ARFIP2: variants seen among roughly 807,000 people sequenced by gnomAD.
ARFIP2 encodes arfaptin-2.
ARFIP2 carries 14 observed loss-of-function variants against 39.2 expected under a neutral mutation model. The ratio of observed to expected loss-of-function variants is 0.36; its 90% CI spans 0.24 to 0.56. ARFIP2 has a LOEUF of 0.56. Ranked by LOEUF, ARFIP2 falls within the 20% of genes least tolerant of loss-of-function variation. The pLI is 0.85. For missense variants in ARFIP2, 305 were observed against 422.5 expected, an observed-to-expected ratio of 0.72 and a Z score of 2.44; for synonymous variants, 167 against 172.4, an observed-to-expected ratio of 0.97 and a Z score of 0.24.
At position 6,478,339 on chromosome 11, in the gene ARFIP2, C is replaced by A. The variant is rs879073732; in HGVS notation, c.538-141G>T. The A allele has an allele frequency of 3.4e-6, 4 of 1,168,484 alleles. No homozygotes were observed. The South Asian group carries it at 5.9e-5, about 17-fold the overall frequency. The allele number at this position is 1,168,484 out of a possible 1,614,324, so 72.4% of individuals were successfully genotyped here. ...CAAGGACTGCCTCCAGCAAGGCTCT[C>A]TTAGCCGGAAAGTTAGTGGGATCAC... On this transcript the variant is annotated intron_variant, in intron 5 of 7. Transcript: ENST00000396777. This position sits in a 1 kb window ranked among gnomAD's most constrained non-coding sequence, Gnocchi z 4.8.
intron 3 of ARFIP2, 79 bp downstream of exon 3, chr11:6,479,893 T>C: frequency 2.2e-6 from 3 of 1,386,726 alleles, no homozygotes; most frequent in Non-Finnish European, 3.1e-6. Context: ...ATTCAAGCTT[T>C]CCTAGACATA....
chr11:6,477,299 G>T lies in ARFIP2; in HGVS notation c.871-31C>A. 6.2e-7 allele frequency: 1 copy of T among 1,603,054 alleles called. No individual in the cohort carries two copies. Among genetic ancestry groups the T allele is most frequent in the South Asian group, 1.1e-5 (1 of 89,464 alleles). ...GGTCCAGCAGGGTCAGCTAAGGCTG[G>T]ACTCAGGCGCCCTTCTTGAGGGTCT... is the stretch of plus-strand genomic sequence containing the variant. On this transcript the variant is annotated intron_variant, in intron 7 of 7. Transcript: ENST00000396777. This position sits in a 1 kb window ranked among gnomAD's most constrained non-coding sequence, Gnocchi z 4.8.
chr11:6,478,484 G>T lies in ARFIP2; in HGVS notation c.537+254C>A. Reference sequence around the variant, plus strand: ...GAGGGGCTCTGATTAGGCTGAGCACGAAGGCATTCTCCCCAGTGCAGAGAG... The same window carrying T: ...GAGGGGCTCTGATTAGGCTGAGCACTAAGGCATTCTCCCCAGTGCAGAGAG... On this transcript the variant is annotated intron_variant, in intron 5 of 7. Transcript: ENST00000396777. This position sits in a 1 kb window ranked among gnomAD's most constrained non-coding sequence, Gnocchi z 4.8. 8.1e-7 allele frequency: 1 copy of T among 1,236,892 alleles called. No homozygotes were observed. Among genetic ancestry groups the T allele is most frequent in the Non-Finnish European group, 1.1e-6 (1 of 919,298 alleles). The allele number at this position is 1,236,892 out of a possible 1,614,324, so 76.6% of individuals were successfully genotyped here. A position where few individuals can be genotyped will look rare whatever the true frequency, so the allele number is the denominator to read the frequency against.
At chr11:6,479,928 T>C in intron 3 of ARFIP2, 44 bp downstream of exon 3, 1 of 1,573,536 alleles carries the variant, frequency 6.4e-7, no homozygotes, top group South Asian at 1.1e-5. Flanking sequence ...AAACCATTCC[T>C]GTCCCCTCCT....
rs1015773810 is a variant in ARFIP2 at position 6,481,322 on chromosome 11, T to A, written c.-134A>T. ...TTCCCGTCGCGATCCTAGCAGCAGG[T>A]CAGGGACTCGGCGGAAATGACGTCC... On this transcript the variant is annotated 5_prime_UTR_variant, in exon 1 of 8. Coordinates refer to ENST00000396777, the MANE Select transcript of ARFIP2 (RefSeq NM_001376558.2). The A allele has an allele frequency of 1.2e-6, 1 of 815,112 alleles. No homozygotes were observed. The highest frequency in any genetic ancestry group is 1.9e-6 in the Non-Finnish European group (1 of 516,568). 50.5% of individuals were successfully genotyped at this position (815,112 alleles called of 1,614,324 possible). A position where few individuals can be genotyped will look rare whatever the true frequency, so the allele number is the denominator to read the frequency against.
In ARFIP2 at chr11:6,477,517, G is replaced by A. The variant is rs1420986876; in HGVS notation, c.870+201C>T. 6.6e-6 allele frequency among the ~76,000 whole-genome samples: 1 copy of A among 152,116 alleles called. No individual in the cohort carries two copies. Among genetic ancestry groups the A allele is most frequent in the Non-Finnish European group, 1.5e-5 (1 of 68,014 alleles). Reference sequence around the variant, plus strand: ...GTGATTTTTCCCAGTTATGTTCCTGGGACCAGCAGCCAAATCCTCCAACAG... The same window carrying A: ...GTGATTTTTCCCAGTTATGTTCCTGAGACCAGCAGCCAAATCCTCCAACAG... On this transcript the variant is annotated intron_variant, in intron 7 of 7. Transcript: ENST00000396777. The surrounding 1 kb of genome is among the most constrained non-coding windows in gnomAD (Gnocchi z 4.8).
Position 6,477,348 on chromosome 11 carries a change from C to G in ARFIP2, c.871-80G>C, listed in dbSNP as rs1851191032. On this transcript the variant is annotated intron_variant, in intron 7 of 7. Transcript: ENST00000396777. This position sits in a 1 kb window ranked among gnomAD's most constrained non-coding sequence, Gnocchi z 4.8. ...CTATGAGCCTGAGCCCAGGCACAGA[C>G]CAGGGGCACAAGGACTCTGCTCTGA... is the stretch of plus-strand genomic sequence containing the variant. 1 of 1,492,748 alleles carries G rather than the reference C, an allele frequency of 6.7e-7. No homozygotes were observed. Among genetic ancestry groups the G allele is most frequent in the Non-Finnish European group, 9.0e-7 (1 of 1,108,402 alleles). 92.5% of individuals were successfully genotyped at this position (1,492,748 alleles called of 1,614,324 possible). A position where few individuals can be genotyped will look rare whatever the true frequency, so the allele number is the denominator to read the frequency against.
rs752148957 is a variant in ARFIP2, at chr11:6,478,867, C to A, written c.408G>T (p.Thr136=). The A allele has an allele frequency of 1.2e-6, 2 of 1,614,178 alleles. No individual in the cohort carries two copies. Among genetic ancestry groups the A allele is most frequent in the East Asian group, 2.2e-5 (1 of 44,882 alleles). Residue 136 remains threonine, a synonymous_variant, in exon 5 of 8, where the codon ACG becomes ACT. Transcript: ENST00000396777. The surrounding 1 kb of genome is among the most constrained non-coding windows in gnomAD (Gnocchi z 4.8). ...GCAGGACACTCTCATACTTGCGCTT[C>A]GTCTCACGCAGCAACTCAATCTGCA... is the stretch of plus-strand genomic sequence containing the variant. The part of the protein sequence containing the change: ...LELQIELLRE[T]KRKYESVLQL...
At chr11:6,479,326 T>C in intron 3 of ARFIP2, 68 bp from the exon 4 acceptor site, 1 of 1,611,834 alleles carries the variant, frequency 6.2e-7, no homozygotes, top group Non-Finnish European at 8.5e-7. Context: ...GCCCCACCCA[T>C]ACTTCTCTTC....
At position 6,477,850 on chromosome 11, in the gene ARFIP2, AC is replaced by A; in HGVS notation, c.737del (p.Ser246IlefsTer2). On this transcript the variant is annotated frameshift_variant, in exon 7 of 8. Coordinates refer to ENST00000396777, the MANE Select transcript of ARFIP2 (RefSeq NM_001376558.2). LOFTEE classifies it high-confidence loss of function. This position sits in a 1 kb window ranked among gnomAD's most constrained non-coding sequence, Gnocchi z 4.8. ...GTGTCCCTGCATCCCGGGGGCCTAG[AC>A]TCAGCTCCTCTAAGTCTGTTCGGTA... Reference protein sequence around the residue: ...DAYRTDLEELSLGPRDAGTRG... With the variant: ...DAYRTDLEELXLGPRDAGTRG... The A allele has an allele frequency of 6.2e-7, 1 of 1,613,716 alleles. No individual in the cohort carries two copies. Among genetic ancestry groups the A allele is most frequent in the South Asian group, 1.1e-5 (1 of 91,062 alleles).
rs944967964 is a variant in ARFIP2 at position 6,476,858 on chromosome 11, T to C, written c.*255A>G. 24 of 435,518 alleles carry C rather than the reference T, an allele frequency of 5.5e-5. No homozygotes were observed. The highest frequency in any genetic ancestry group is 4.4e-4 in the African/African-American group (22 of 50,520). 27.0% of individuals were successfully genotyped at this position (435,518 alleles called of 1,614,324 possible). On this transcript the variant is annotated 3_prime_UTR_variant, in exon 8 of 8. Coordinates refer to ENST00000396777, the MANE Select transcript of ARFIP2 (RefSeq NM_001376558.2). ...CCAGGGAGTGGTTTTGTCATAGCCG[T>C]TGGCTGTGAAGTGGAAGGAAAAGAT...
In ARFIP2 at chr11:6,477,954, C is replaced by T; in HGVS notation, c.696-62G>A. The T allele has an allele frequency of 1.2e-6, 2 of 1,604,522 alleles. No homozygotes were observed. Among genetic ancestry groups the T allele is most frequent in the East Asian group, 4.5e-5 (2 of 44,628 alleles). ...TTATCCTCAACACATACTCTCCTTT[C>T]CTTCCTGAATTCTTATGCCCCTAAT... On this transcript the variant is annotated intron_variant, in intron 6 of 7. Coordinates refer to ENST00000396777, the MANE Select transcript of ARFIP2 (RefSeq NM_001376558.2). This position sits in a 1 kb window ranked among gnomAD's most constrained non-coding sequence, Gnocchi z 4.8.
intron 1 of ARFIP2, 147 bp from the exon 2 acceptor site, chr11:6,480,610 C>G: frequency 1.9e-6 from 1 of 533,354 alleles, no homozygotes; most frequent in Non-Finnish European, 3.3e-6. Flanking sequence ...TGTATTTCTC[C>G]CCTCCAAAAC....
chr11:6,480,104 T>A, intron 2 of ARFIP2, 36 bp from the exon 3 acceptor site: 1 of 1,581,492 alleles, frequency 6.3e-7, no homozygotes, highest in Non-Finnish European at 8.7e-7. Flanking sequence ...TTCAGGAACA[T>A]AGGGGCTGCA....
At chr11:6,479,373 G>GA (rs753763405) in intron 3 of ARFIP2, 115 bp from the exon 4 acceptor site, 1 of 1,600,066 alleles carries the variant, frequency 6.2e-7, no homozygotes, top group South Asian at 1.1e-5. Context: ...GGAGATGCTA[G>GA]AGACAACTGG....
In ARFIP2 at chr11:6,480,066, G is replaced by A; in HGVS notation, c.102C>T (p.Asp34=). 1 of 1,613,398 alleles carries A rather than the reference G, an allele frequency of 6.2e-7. No homozygotes were observed. Among genetic ancestry groups the A allele is most frequent in the Non-Finnish European group, 8.5e-7 (1 of 1,179,670 alleles). Residue 34 remains aspartate, a splice_region_variant and synonymous_variant, in exon 3 of 8, where the codon GAC becomes GAT. Transcript: ENST00000396777. ...GTCCTGACACCATCACCTGCTGGAG[G>A]TCCTATAGGCCAGAGAAGAGGGGTT... ...QLPEDDGLEQ[D]LQQVMVSGPN...
Position 6,478,463 on chromosome 11 carries a change from G to A in ARFIP2, c.538-265C>T, listed in dbSNP as rs913643965. ...GAGCTAGTGTGGCAAGCAGGGGAGGGGCTCTGATTAGGCTGAGCACGAAGG... is the reference window on the plus strand; with the variant it reads ...GAGCTAGTGTGGCAAGCAGGGGAGGAGCTCTGATTAGGCTGAGCACGAAGG... On this transcript the variant is annotated intron_variant, in intron 5 of 7. Coordinates refer to ENST00000396777, the MANE Select transcript of ARFIP2 (RefSeq NM_001376558.2). This position sits in a 1 kb window ranked among gnomAD's most constrained non-coding sequence, Gnocchi z 4.8. 30 of 1,109,154 alleles carry A rather than the reference G, an allele frequency of 2.7e-5. No homozygotes were observed. The highest frequency in any genetic ancestry group is 6.3e-5 in the African/African-American group (4 of 63,180). 68.7% of individuals were successfully genotyped at this position (1,109,154 alleles called of 1,614,324 possible).
At position 6,481,301 on chromosome 11, in the gene ARFIP2, C is replaced by T. The variant is rs1851746605; in HGVS notation, c.-113G>A. Reference sequence around the variant, plus strand: ...CGCGGGGACCTCGGGCTCCAGTTCCCGTCGCGATCCTAGCAGCAGGTCAGG... The same window carrying T: ...CGCGGGGACCTCGGGCTCCAGTTCCTGTCGCGATCCTAGCAGCAGGTCAGG... On this transcript the variant is annotated 5_prime_UTR_variant, in exon 1 of 8. Transcript: ENST00000396777. The T allele has an allele frequency of 5.6e-6, 4 of 717,218 alleles. No individual in the cohort carries two copies. Among genetic ancestry groups the T allele is most frequent in the Non-Finnish European group, 9.1e-6 (4 of 439,580 alleles). The allele number at this position is 717,218 out of a possible 1,614,324, so 44.4% of individuals were successfully genotyped here.
In ARFIP2 at chr11:6,477,646, G is replaced by C; in HGVS notation, c.870+72C>G. The stretch of plus-strand genomic sequence containing the variant: ...GGCTGCATTTCCTCATTCAATAATG[G>C]GGAGGGTCTGAGGGGAAGGTTAGTG... On this transcript the variant is annotated intron_variant, in intron 7 of 7. Transcript: ENST00000396777. This position sits in a 1 kb window ranked among gnomAD's most constrained non-coding sequence, Gnocchi z 4.8. The C allele has an allele frequency of 6.6e-7, 1 of 1,521,070 alleles. No homozygotes were observed. Among genetic ancestry groups the C allele is most frequent in the Non-Finnish European group, 9.0e-7 (1 of 1,113,892 alleles). The allele number at this position is 1,521,070 out of a possible 1,614,324, so 94.2% of individuals were successfully genotyped here. A position where few individuals can be genotyped will look rare whatever the true frequency, so the allele number is the denominator to read the frequency against.
Sources: gnomAD v4.1 joint callset for allele counts (sites outside exome capture counted in the v4.1 genomes callset) on GRCh38, gnomAD v4.1.1 for gene constraint, Gnocchi (gnomAD v3.1) non-coding constraint, MANE v1.5 for transcripts, NCBI Gene and HGNC (gene_info 2026-07-23, HGNC 2026-07-21) for gene names.